ADAM12: variants seen among roughly 807,000 people sequenced by gnomAD.
The protein encoded by ADAM12 is ADAM metallopeptidase domain 12.
Under a neutral mutation model 106.4 loss-of-function variants are expected in ADAM12, and 70 were observed. The observed-to-expected ratio is 0.66, with a 90% CI of 0.54 to 0.80. The LOEUF (loss-of-function observed/expected upper bound fraction) is 0.80, where lower values mean the gene tolerates loss of function less well. Among genes scored for constraint, ADAM12 ranks in the 30% least tolerant of loss-of-function variants. The pLI is 0.00. For synonymous variants in ADAM12, 420 were observed against 433.5 expected, an observed-to-expected ratio of 0.97 and a Z score of 0.39; for missense variants, 1,010 against 1,171.9, an observed-to-expected ratio of 0.86 and a Z score of 2.02.
chr10:126,174,925 T>G (rs1340610461), intron 3 of ADAM12, among the ~76,000 whole-genome samples: 1 of 152,100 alleles, frequency 6.6e-6, no homozygotes, highest in African/African-American at 2.4e-5. Context: ...GCTAATTTTT[T>G]GTTTGCATTT....
intron 3 of ADAM12, among the ~76,000 whole-genome samples, chr10:126,191,116 C>T (rs956801895): frequency 6.6e-6 from 1 of 150,410 alleles, no homozygotes; most frequent in Admixed American, 6.7e-5. Flanking sequence ...ATTCTCATGC[C>T]TCAGCCTTCT....
intron 4 of ADAM12, among the ~76,000 whole-genome samples, chr10:126,148,853 C>G (rs935197879): frequency 4.4e-5 from 1 of 22,854 alleles, no homozygotes; most frequent in Non-Finnish European, 7.8e-5. Flanking sequence ...CGACCTCTTT[C>G]CCCTTCTTCC....
rs958925491 is a variant in ADAM12, at chr10:126,012,681, A to C, written c.*4598T>G. 6.6e-6 allele frequency: 1 copy of C among 152,264 alleles called. No homozygotes were observed. Among genetic ancestry groups the C allele is most frequent in the African/African-American group, 2.4e-5 (1 of 41,466 alleles). 9.4% of individuals were successfully genotyped at this position (152,264 alleles called of 1,614,324 possible). On this transcript the variant is annotated 3_prime_UTR_variant, in exon 23 of 23. Transcript: ENST00000448723. Reference sequence around the variant, plus strand: ...AGGAACAACTGCTACACATTCAAAGAACAGGCATTCACTGCAGCCTCCTGA... The same window carrying C: ...AGGAACAACTGCTACACATTCAAAGCACAGGCATTCACTGCAGCCTCCTGA...
chr10:126,343,528 C>A (rs1377694802), intron 1 of ADAM12, among the ~76,000 whole-genome samples: 4 of 152,120 alleles, frequency 2.6e-5, no homozygotes, highest in Non-Finnish European at 5.9e-5. Context: ...ATTTATAATC[C>A]TTTGGGTATA....
At chr10:126,226,762 G>T (rs1177744508) in intron 3 of ADAM12, among the ~76,000 whole-genome samples, 2 of 152,154 alleles carry the variant, frequency 1.3e-5, no homozygotes, top group Non-Finnish European at 2.9e-5. Context: ...CATTTACTGA[G>T]CGATTACTAT....
At chr10:126,239,177 A>C (rs1383224279) in intron 3 of ADAM12, among the ~76,000 whole-genome samples, 1 of 152,242 alleles carries the variant, frequency 6.6e-6, no homozygotes, top group East Asian at 1.9e-4. Flanking sequence ...TTCTGAACTA[A>C]TTCAAGTAAC....
intron 17 of ADAM12, among the ~76,000 whole-genome samples, chr10:126,044,601 TAC>T (rs746171027): frequency 1.1e-4 from 17 of 152,220 alleles, no homozygotes; most frequent in Non-Finnish European, 1.5e-4. Context: ...CTGCCAGATA[TAC>T]AGTTTCATAT....
intron 3 of ADAM12, among the ~76,000 whole-genome samples, chr10:126,248,115 T>C (rs1958664704): frequency 6.6e-6 from 1 of 152,194 alleles, no homozygotes; most frequent in Non-Finnish European, 1.5e-5. Context: ...CTTCCTTCTC[T>C]AGGCCTCAGT....
intron 3 of ADAM12, among the ~76,000 whole-genome samples, chr10:126,159,822 C>T (rs911069438): frequency 2.6e-5 from 4 of 152,096 alleles, no homozygotes; most frequent in Non-Finnish European, 5.9e-5. Context: ...CTAAAACTAC[C>T]CACTGCTCCT....
chr10:126,176,762 T>C (rs552870224), intron 3 of ADAM12, among the ~76,000 whole-genome samples: 1 of 152,332 alleles, frequency 6.6e-6, no homozygotes, highest in African/African-American at 2.4e-5. Flanking sequence ...AATCTCTCAT[T>C]GTCTCCCAAA....
rs1159989868 is a variant in ADAM12 at position 126,066,427 on chromosome 10, A to G, written c.1413+290T>C. Among the ~76,000 whole-genome samples the G allele has an allele frequency of 2.0e-5, 3 of 152,172 alleles. No homozygotes were observed. Among genetic ancestry groups the G allele is most frequent in the Non-Finnish European group, 4.4e-5 (3 of 68,028 alleles). On this transcript the variant is annotated intron_variant, in intron 13 of 22. Coordinates refer to ENST00000448723, the MANE Select transcript of ADAM12 (RefSeq NM_001288973.2). The surrounding 1 kb of genome is among the most constrained non-coding windows in gnomAD (Gnocchi z 5.1). The stretch of plus-strand genomic sequence containing the variant: ...CATAGTAGAACCCCATGTGCCTCTG[A>G]CGGCACAAATGGAGCATTTAAAGTT...
At chr10:126,301,800 T>G (rs766146839) in intron 2 of ADAM12, among the ~76,000 whole-genome samples, 24 of 152,206 alleles carry the variant, frequency 1.6e-4, no homozygotes, top group Non-Finnish European at 1.9e-4. Context: ...TCTCTTCCCA[T>G]CCAGATTGCA....
At position 126,057,384 on chromosome 10, in the gene ADAM12, C is replaced by A. The variant is rs1300854050; in HGVS notation, c.1609+7422G>T. Among the ~76,000 whole-genome samples the A allele has an allele frequency of 4.3e-3, 122 of 28,214 alleles. 36 individuals are homozygous for A. The highest frequency in any genetic ancestry group is 0.014 in the African/African-American group (114 of 8,360). 18.5% of individuals were successfully genotyped at this position (28,214 alleles called of 152,430 possible). A position where few individuals can be genotyped will look rare whatever the true frequency, so the allele number is the denominator to read the frequency against. On this transcript the variant is annotated intron_variant, in intron 14 of 22. Coordinates refer to ENST00000448723, the MANE Select transcript of ADAM12 (RefSeq NM_001288973.2). Reference sequence around the variant, plus strand: ...GTATAATAAAAAAAAAATTAAAAAACAAAAAAACAAAAAAACAAAAAAAAA... The same window carrying A: ...GTATAATAAAAAAAAAATTAAAAAAAAAAAAAACAAAAAAACAAAAAAAAA...
chr10:126,144,754 G>T (rs771066122), intron 4 of ADAM12, among the ~76,000 whole-genome samples: 17 of 152,200 alleles, frequency 1.1e-4, no homozygotes, highest in Non-Finnish European at 1.9e-4. Flanking sequence ...AGGGATTTCA[G>T]AAGGAACATA....
intron 2 of ADAM12, among the ~76,000 whole-genome samples, chr10:126,299,922 G>A (rs1279330960): frequency 6.6e-6 from 1 of 152,150 alleles, no homozygotes; most frequent in Non-Finnish European, 1.5e-5. Context: ...GGGATTACAG[G>A]GGTGAGCCAC....
At chr10:126,277,672 T>C (rs1959333385) in intron 3 of ADAM12, among the ~76,000 whole-genome samples, 1 of 152,164 alleles carries the variant, frequency 6.6e-6, no homozygotes, top group Non-Finnish European at 1.5e-5. Flanking sequence ...CCTGATTATA[T>C]AATACATGTG....
In ADAM12 at chr10:126,121,503, T is replaced by C. The variant is rs1160134889; in HGVS notation, c.417-3279A>G. 1.7e-3 allele frequency among the ~76,000 whole-genome samples: 188 copies of C among 109,930 alleles called. 1 individual carries two copies. In the East Asian group the frequency reaches 0.041, roughly 24 times the overall value. The allele number at this position is 109,930 out of a possible 152,430, so 72.1% of individuals were successfully genotyped here. ...ATATAATATGTAACAATATATAATA[T>C]AATAGAAAATTATATATTATATAAT... is the stretch of plus-strand genomic sequence containing the variant. On this transcript the variant is annotated intron_variant, in intron 5 of 22. Transcript: ENST00000448723.
At chr10:126,175,220 G>A (rs1022475584) in intron 3 of ADAM12, among the ~76,000 whole-genome samples, 3 of 152,300 alleles carry the variant, frequency 2.0e-5, no homozygotes, top group East Asian at 3.9e-4. Context: ...ACAAATAAGC[G>A]AAGAACGCTG....
At chr10:126,143,540 T>C (rs1956564367) in intron 4 of ADAM12, among the ~76,000 whole-genome samples, 1 of 151,570 alleles carries the variant, frequency 6.6e-6, no homozygotes, top group African/African-American at 2.4e-5. Context: ...TACATGTGTA[T>C]GGGTATGCAC....
Sources: gnomAD v4.1 joint callset for allele counts (sites outside exome capture counted in the v4.1 genomes callset) on GRCh38, gnomAD v4.1.1 for gene constraint, Gnocchi (gnomAD v3.1) non-coding constraint, MANE v1.5 for transcripts, NCBI Gene and HGNC (gene_info 2026-07-23, HGNC 2026-07-21) for gene names.